OTUD7A: variants seen among roughly 807,000 people sequenced by gnomAD.
OTUD7A encodes OTU domain-containing protein 7A.
In OTUD7A, 12 loss-of-function variants were observed where a neutral mutation model predicts 65.7. That is an observed-to-expected ratio of 0.18 (90% CI 0.12 to 0.30). The LOEUF (loss-of-function observed/expected upper bound fraction) is 0.30. Ranked by LOEUF, OTUD7A falls within the 10% of genes least tolerant of loss-of-function variation. The pLI is 1.00. For missense variants in OTUD7A, 1,148 were observed against 1,304.8 expected, an observed-to-expected ratio of 0.88 and a Z score of 1.85; for synonymous variants, 641 against 586.3, an observed-to-expected ratio of 1.09 and a Z score of -1.35.
chr15:31,675,062 T>C (rs1892566323), intron 1 of OTUD7A, among the ~76,000 whole-genome samples: 1 of 150,378 alleles, frequency 6.6e-6, no homozygotes, highest in Non-Finnish European at 1.5e-5. Context: ...TAGACAAAGG[T>C]AAAATGACTT....
intron 1 of OTUD7A, among the ~76,000 whole-genome samples, chr15:31,734,896 T>C (rs555941615): frequency 3.3e-5 from 5 of 151,602 alleles, no homozygotes; most frequent in Non-Finnish European, 5.9e-5. Context: ...AAAGCAAAAA[T>C]TGACAAATGG....
chr15:31,658,031 G>A (rs1056232617), intron 1 of OTUD7A, among the ~76,000 whole-genome samples: 12 of 152,186 alleles, frequency 7.9e-5, no homozygotes, highest in Admixed American at 5.9e-4. Flanking sequence ...AGGAGGGGCA[G>A]TGCCGTGTGG....
At chr15:31,789,615 G>A (rs1895760412) in intron 1 of OTUD7A, among the ~76,000 whole-genome samples, 1 of 151,990 alleles carries the variant, frequency 6.6e-6, no homozygotes, top group Admixed American at 6.5e-5. Flanking sequence ...TCAGCAGGGT[G>A]GCACATTCAA....
intron 1 of OTUD7A, among the ~76,000 whole-genome samples, chr15:31,857,122 T>C (rs1213806687): frequency 6.6e-6 from 1 of 152,120 alleles, no homozygotes; most frequent in Admixed American, 6.5e-5. Flanking sequence ...ACGCCTCAGC[T>C]CCCAGGCTGA....
At chr15:31,560,975 G>A (rs73372579) in intron 4 of OTUD7A, among the ~76,000 whole-genome samples, 4,137 of 152,280 alleles carry the variant, frequency 0.027, 196 homozygotes, top group African/African-American at 0.093. Context: ...AAAAGCATAA[G>A]CTTTTGATCC....
intron 3 of OTUD7A, among the ~76,000 whole-genome samples, chr15:31,587,197 A>T (rs1486970071): frequency 6.6e-6 from 1 of 152,170 alleles, no homozygotes; most frequent in Non-Finnish European, 1.5e-5. Context: ...TGATCTAATC[A>T]TAATCAAAAT....
At chr15:31,518,475 TAAA>T (rs35618927) in intron 8 of OTUD7A, among the ~76,000 whole-genome samples, 11 of 146,674 alleles carry the variant, frequency 7.5e-5, no homozygotes, top group African/African-American at 2.3e-4. Flanking sequence ...TCCATCTGAT[TAAA>T]AAAAAAAAGT....
intron 1 of OTUD7A, among the ~76,000 whole-genome samples, chr15:31,769,519 A>C (rs1895177900): frequency 6.6e-6 from 1 of 152,226 alleles, no homozygotes; most frequent in Non-Finnish European, 1.5e-5. Context: ...ACGAATGTTC[A>C]TAGCCACTTT....
At chr15:31,502,910 T>A (rs2041492353) in intron 9 of OTUD7A, among the ~76,000 whole-genome samples, 1 of 152,298 alleles carries the variant, frequency 6.6e-6, no homozygotes, top group African/African-American at 2.4e-5. Context: ...ATGGCAGCTG[T>A]GATTTAGCGT....
Position 31,484,572 on chromosome 15 carries a change from C to T in OTUD7A, c.1524G>A (p.Gln508=), listed in dbSNP as rs772137593. Residue 508 remains glutamine (Q), a synonymous_variant, in exon 13 of 13, where the codon CAG becomes CAA. Transcript: ENST00000307050. The surrounding 1 kb of genome is among the most constrained non-coding windows in gnomAD (Gnocchi z 4.5). Reference sequence around the variant, plus strand: ...CGCGCGTCTTGTCCTTCTCCTTGCGCTGCTTCTCCTTCTCCTTGTCCTTGC... The same window carrying T: ...CGCGCGTCTTGTCCTTCTCCTTGCGTTGCTTCTCCTTCTCCTTGTCCTTGC... ...KNGKDKEKEK[Q]RKEKDKTRAD... 1.9e-6 allele frequency: 3 copies of T among 1,611,180 alleles called. No individual in the cohort carries two copies. The highest frequency in any genetic ancestry group is 1.7e-6 in the Non-Finnish European group (2 of 1,179,648).
chr15:31,796,418 A>T (rs1895963422), intron 1 of OTUD7A, among the ~76,000 whole-genome samples: 1 of 152,182 alleles, frequency 6.6e-6, no homozygotes, highest in Non-Finnish European at 1.5e-5. Flanking sequence ...GGGGAAGCTC[A>T]GTCTTTTTTC....
At chr15:31,590,715 A>G (rs947434600) in intron 3 of OTUD7A, among the ~76,000 whole-genome samples, 2 of 152,230 alleles carry the variant, frequency 1.3e-5, no homozygotes, top group African/African-American at 4.8e-5. Context: ...GGTTCTCTGT[A>G]CTCAGAATAC....
At chr15:31,693,037 C>T (rs947023789) in intron 1 of OTUD7A, among the ~76,000 whole-genome samples, 1 of 151,972 alleles carries the variant, frequency 6.6e-6, no homozygotes, top group Non-Finnish European at 1.5e-5. Context: ...GGCTTTAATT[C>T]ACACAGTGAT....
chr15:31,611,841 A>T (rs1234632253), intron 3 of OTUD7A, among the ~76,000 whole-genome samples: 1 of 152,188 alleles, frequency 6.6e-6, no homozygotes, highest in Non-Finnish European at 1.5e-5. Context: ...GGAAGGACAT[A>T]ACCAAAAAAG....
At chr15:31,491,909 C>T (rs774412887) in intron 10 of OTUD7A, among the ~76,000 whole-genome samples, 39 of 151,930 alleles carry the variant, frequency 2.6e-4, no homozygotes, top group Admixed American at 9.2e-4. Context: ...AATTCTATAC[C>T]CAGCCAAAAT....
At chr15:31,797,634 G>A (rs945822720) in intron 1 of OTUD7A, among the ~76,000 whole-genome samples, 9 of 152,154 alleles carry the variant, frequency 5.9e-5, no homozygotes, top group African/African-American at 1.2e-4. Context: ...CCTGCAAATC[G>A]CATGCTTTGT....
chr15:31,655,284 G>A lies in OTUD7A; in HGVS notation c.-4-34C>T, dbSNP rs769301304. The A allele has an allele frequency of 3.4e-5, 33 of 976,542 alleles. No individual in the cohort carries two copies. The Admixed American group carries it at 4.6e-4, about 14-fold the overall frequency. The allele number at this position is 976,542 out of a possible 1,614,324, so 60.5% of individuals were successfully genotyped here. A position where few individuals can be genotyped will look rare whatever the true frequency, so the allele number is the denominator to read the frequency against. Reference sequence around the variant, plus strand: ...AAGAAGAGAAAGGGCATTTTACCACGTGATGGAAATGGAGCTGCAAGTGAC... The same window carrying A: ...AAGAAGAGAAAGGGCATTTTACCACATGATGGAAATGGAGCTGCAAGTGAC... On this transcript the variant is annotated intron_variant, in intron 2 of 12. Coordinates refer to ENST00000307050, the MANE Select transcript of OTUD7A (RefSeq NM_001382637.1).
At chr15:31,760,511 G>C (rs900417925) in intron 1 of OTUD7A, among the ~76,000 whole-genome samples, 2 of 152,170 alleles carry the variant, frequency 1.3e-5, no homozygotes, top group Non-Finnish European at 2.9e-5. Context: ...GTTTTGCAGG[G>C]TTTTGTATTG....
chr15:31,702,544 A>G (rs1284882471), intron 1 of OTUD7A, among the ~76,000 whole-genome samples: 5 of 151,214 alleles, frequency 3.3e-5, no homozygotes, highest in Non-Finnish European at 7.4e-5. Flanking sequence ...AAATCTAACA[A>G]AATATGCATA....
Sources: allele counts gnomAD v4.1 joint callset (sites outside exome capture counted in the v4.1 genomes callset), GRCh38; gene constraint gnomAD v4.1.1; non-coding constraint Gnocchi (gnomAD v3.1); transcripts MANE v1.5; gene names NCBI Gene and HGNC (gene_info 2026-07-23, HGNC 2026-07-21).